Variants in PIGU observed in about 807,000 individuals in gnomAD.
PIGU encodes the protein GPI-anchor transamidase component PIGU.
In PIGU, 24 loss-of-function variants were observed where a neutral mutation model predicts 49.9. The ratio of observed to expected loss-of-function variants is 0.48; its 90% CI spans 0.35 to 0.68. The LOEUF is 0.68. PIGU is among the 30% of genes least tolerant of loss of function. The pLI is 0.01. For missense variants in PIGU, 490 were observed against 532.6 expected, an observed-to-expected ratio of 0.92 and a Z score of 0.79; for synonymous variants, 220 against 205.7, an observed-to-expected ratio of 1.07 and a Z score of -0.59.
intron 6 of PIGU, among the ~76,000 whole-genome samples, chr20:34,621,763 G>T (rs544602626): frequency 6.6e-6 from 1 of 152,216 alleles, no homozygotes; most frequent in Non-Finnish European, 1.5e-5. Context: ...TGTGCAATAA[G>T]CAAACATTTC....
At chr20:34,626,555 G>A (rs369166386) in intron 6 of PIGU, among the ~76,000 whole-genome samples, 4 of 152,020 alleles carry the variant, frequency 2.6e-5, no homozygotes, top group South Asian at 4.1e-4. Context: ...CACCTGCCTC[G>A]GCATCCCAAA....
At position 34,581,591 on chromosome 20, in the gene PIGU, C is replaced by T. The variant is rs376261316; in HGVS notation, c.1008G>A (p.Ala336=). The T allele has an allele frequency of 1.7e-5, 28 of 1,613,858 alleles. No homozygotes were observed. The highest frequency in any genetic ancestry group is 6.7e-5 in the East Asian group (3 of 44,878). The change falls in exon 10 of 12, where the codon GCG becomes GCA. Residue 336 remains alanine, a synonymous_variant. Transcript: ENST00000217446. Reference sequence around the variant, plus strand: ...ACACGGGGAAGAAGGCCATGTAGAGCGCCACGTCCCCCACTGTCGGGTAGG... The same window carrying T: ...ACACGGGGAAGAAGGCCATGTAGAGTGCCACGTCCCCCACTGTCGGGTAGG... The part of the protein sequence containing the change: ...FKSYPTVGDV[A]LYMAFFPVWN...
chr20:34,658,362 A>G (rs191499906), intron 1 of PIGU, among the ~76,000 whole-genome samples: 10 of 151,870 alleles, frequency 6.6e-5, no homozygotes, highest in East Asian at 3.9e-4. Context: ...CCTCCCAGCC[A>G]CCTGCCTTGG....
In PIGU at chr20:34,581,678, G is replaced by T; in HGVS notation, c.927-6C>A. The T allele has an allele frequency of 6.3e-7, 1 of 1,596,464 alleles. No homozygotes were observed. The highest frequency in any genetic ancestry group is 1.1e-5 in the South Asian group (1 of 90,776). On this transcript the variant is annotated splice_region_variant and splice_polypyrimidine_tract_variant and intron_variant, in intron 9 of 11. Transcript: ENST00000217446. Reference sequence around the variant, plus strand: ...TGAAGAAGATGGGGTGCTCCCTGGGGCAGGGCAGGGGAAAGAGAGAGAGAG... The same window carrying T: ...TGAAGAAGATGGGGTGCTCCCTGGGTCAGGGCAGGGGAAAGAGAGAGAGAG...
Position 34,581,610 on chromosome 20 carries a change from G to T in PIGU, c.989C>A (p.Pro330Gln). 1 of 1,613,944 alleles carries T rather than the reference G, an allele frequency of 6.2e-7. No individual in the cohort carries two copies. The highest frequency in any genetic ancestry group is 8.5e-7 in the Non-Finnish European group (1 of 1,179,928). ...GTAGAGCGCCACGTCCCCCACTGTCGGGTAGGACTTAAAGATGGCGATGAC... is the reference window on the plus strand; with the variant it reads ...GTAGAGCGCCACGTCCCCCACTGTCTGGTAGGACTTAAAGATGGCGATGAC... ...IAVIAIFKSYPTVGDVALYMA... is the reference protein window; with the variant it reads ...IAVIAIFKSYQTVGDVALYMA... Residue 330 changes from proline (P) to glutamine (Q), a missense_variant, in exon 10 of 12, where the codon CCG (proline) becomes CAG (glutamine). Physicochemically the swap from Pro to Gln is moderately conservative, Grantham distance 76 (BLOSUM62 -1). Coordinates refer to ENST00000217446, the MANE Select transcript of PIGU (RefSeq NM_080476.5).
chr20:34,645,387 T>A (rs1366183985), intron 2 of PIGU, 53 bp from the exon 3 acceptor site: 2 of 1,515,476 alleles, frequency 1.3e-6, no homozygotes. Context: ...CTTACTATTA[T>A]CAGTTTCCAG....
rs1225130726 is a variant in PIGU at position 34,658,427 on chromosome 20, G to A, written c.131-1183C>T. On this transcript the variant is annotated intron_variant, in intron 1 of 11. Coordinates refer to ENST00000217446, the MANE Select transcript of PIGU (RefSeq NM_080476.5). ...GCCCGGCCGCCACCCCGTCTGGGAAGTGAGGAGCATCTCTGCCTGGCCGCC... is the reference window on the plus strand; with the variant it reads ...GCCCGGCCGCCACCCCGTCTGGGAAATGAGGAGCATCTCTGCCTGGCCGCC... 3.9e-4 allele frequency among the ~76,000 whole-genome samples: 60 copies of A among 152,316 alleles called. No individual in the cohort carries two copies. In the South Asian group the frequency reaches 0.012, roughly 31 times the overall value.
At chr20:34,570,423 A>ATTTT (rs748089105) in intron 11 of PIGU, among the ~76,000 whole-genome samples, 4 of 149,472 alleles carry the variant, frequency 2.7e-5, no homozygotes, top group African/African-American at 4.9e-5. Flanking sequence ...ATTTATTTTT[A>ATTTT]TTTTTTTTTG....
intron 1 of PIGU, among the ~76,000 whole-genome samples, chr20:34,662,527 T>C (rs1197772811): frequency 6.6e-6 from 1 of 151,876 alleles, no homozygotes; most frequent in African/African-American, 2.4e-5. Flanking sequence ...ACCCAGTAGC[T>C]AGGATTACAG....
chr20:34,568,804 A>G (rs1241017562), intron 11 of PIGU, among the ~76,000 whole-genome samples: 1 of 152,198 alleles, frequency 6.6e-6, no homozygotes, highest in Non-Finnish European at 1.5e-5. Context: ...ATGCAAGGCC[A>G]GCCCAGTATC....
At chr20:34,663,614 C>T (rs942767066) in intron 1 of PIGU, among the ~76,000 whole-genome samples, 4 of 152,152 alleles carry the variant, frequency 2.6e-5, no homozygotes, top group Non-Finnish European at 5.9e-5. Flanking sequence ...TTTTATAATT[C>T]ATGGTGGCCA....
At chr20:34,620,185 AACAAG>A (rs1985152735) in intron 6 of PIGU, among the ~76,000 whole-genome samples, 1 of 152,090 alleles carries the variant, frequency 6.6e-6, no homozygotes, top group African/African-American at 2.4e-5. Context: ...TCCAACAGCA[AACAAG>A]ACCCTTCACC....
At position 34,654,060 on chromosome 20, in the gene PIGU, T is replaced by C. The variant is rs1328454093; in HGVS notation, c.195+3120A>G. ...TTTTAGTAGAGACGGGGTTTCGCCATATTGGCCAGGCTGGTCTCGAACTCC... is the reference window on the plus strand; with the variant it reads ...TTTTAGTAGAGACGGGGTTTCGCCACATTGGCCAGGCTGGTCTCGAACTCC... On this transcript the variant is annotated intron_variant, in intron 2 of 11. Transcript: ENST00000217446. 1.6e-5 allele frequency among the ~76,000 whole-genome samples: 2 copies of C among 121,546 alleles called. 1 individual carries two copies. The highest frequency in any genetic ancestry group is 6.0e-5 in the African/African-American group (2 of 33,432). The allele number at this position is 121,546 out of a possible 152,430, so 79.7% of individuals were successfully genotyped here.
chr20:34,584,504 CTTTTTTTTTTTTTTT>C (rs5841174), intron 9 of PIGU, among the ~76,000 whole-genome samples: 1 of 66,406 alleles, frequency 1.5e-5, no homozygotes, highest in Non-Finnish European at 2.9e-5. Flanking sequence ...AACTCCTGTT[CTTTTTTTTTTTTTTT>C]TTTTTTTTTG....
chr20:34,614,304 TAAGAAA>T (rs770110384), intron 7 of PIGU, among the ~76,000 whole-genome samples: 7 of 149,630 alleles, frequency 4.7e-5, no homozygotes, highest in Non-Finnish European at 9.0e-5. Context: ...GTCTCAAAAA[TAAGAAA>T]AAGAAAAAGA....
At chr20:34,656,524 C>T (rs890352758) in intron 2 of PIGU, among the ~76,000 whole-genome samples, 35 of 151,576 alleles carry the variant, frequency 2.3e-4, no homozygotes, top group Admixed American at 9.9e-4. Context: ...CCTCGTGATC[C>T]GCCCACTTCG....
chr20:34,565,189 CCTGGGCTGCATTTT>C (rs1313900977), intron 11 of PIGU, among the ~76,000 whole-genome samples: 1 of 152,166 alleles, frequency 6.6e-6, no homozygotes, highest in Non-Finnish European at 1.5e-5. Flanking sequence ...CTTCCTGTCC[CCTGGGCTGCATTTT>C]CCTCATCTGG....
rs1983664188 is a variant in PIGU, at chr20:34,585,512, T to C, written c.851A>G (p.His284Arg). ...CACACATACAAAGAAGAGGCTGAAGTGCTCAAACATCTCTGCAAAGAAGTA... is the reference window on the plus strand; with the variant it reads ...CACACATACAAAGAAGAGGCTGAAGCGCTCAAACATCTCTGCAAAGAAGTA... ...FWYFFAEMFEHFSLFFVCVFQ... is the reference protein window; with the variant it reads ...FWYFFAEMFERFSLFFVCVFQ... The change falls in exon 9 of 12, where the codon CAC (histidine) becomes CGC (arginine). Residue 284 changes from histidine to arginine, a missense_variant. By Grantham distance (29) the His-to-Arg change is conservative. Transcript: ENST00000217446. 10 of 1,613,154 alleles carry C rather than the reference T, an allele frequency of 6.2e-6. No homozygotes were observed. The Middle Eastern group carries it at 1.2e-3, about 186-fold the overall frequency.
At chr20:34,591,614 G>A (rs147730904) in intron 7 of PIGU, among the ~76,000 whole-genome samples, 8 of 152,124 alleles carry the variant, frequency 5.3e-5, no homozygotes, top group African/African-American at 9.6e-5. Context: ...AAAAGATAAC[G>A]TAAAATAAAT....
Sources: allele counts gnomAD v4.1 joint callset (sites outside exome capture counted in the v4.1 genomes callset), GRCh38; gene constraint gnomAD v4.1.1; transcripts MANE v1.5; gene names NCBI Gene and HGNC (gene_info 2026-07-23, HGNC 2026-07-21).